COL3A1: variants seen among roughly 807,000 people sequenced by gnomAD.
COL3A1 encodes collagen type III alpha 1 chain.
A neutral mutation model predicts 200.9 loss-of-function variants in COL3A1; 46 were observed. The ratio of observed to expected loss-of-function variants is 0.23; its 90% CI spans 0.18 to 0.29. The LOEUF (loss-of-function observed/expected upper bound fraction) is 0.29, where lower values mean the gene tolerates loss of function less well. Among genes scored for constraint, COL3A1 ranks in the 10% least tolerant of loss-of-function variants. The pLI, the probability that COL3A1 is intolerant of heterozygous loss-of-function variation, is 1.00. For missense variants in COL3A1, 1,367 were observed against 1,917.6 expected (o/e 0.71, Z 5.36); for synonymous variants, 650 against 628.0 (o/e 1.03, Z -0.52).
At chr2:188,991,444 C>A in intron 11 of COL3A1, 43 bp from the exon 12 acceptor site, 1 of 1,309,582 alleles carries the variant, frequency 7.6e-7, no homozygotes, top group Non-Finnish European at 1.1e-6. Context: ...ATAATATTTT[C>A]TTCCTCTTTT....
intron 6 of COL3A1, 40 bp from the exon 7 acceptor site, chr2:188,988,550 T>C: frequency 1.5e-6 from 2 of 1,372,494 alleles, no homozygotes; most frequent in South Asian, 2.4e-5. Flanking sequence ...TATATGAAGA[T>C]TTTGTTACTT....
At chr2:188,996,303 TATACACAC>T in intron 23 of COL3A1, 87 bp from the exon 24 acceptor site, 5 of 775,704 alleles carry the variant, frequency 6.4e-6, no homozygotes, top group East Asian at 2.9e-5. Flanking sequence ...TATCTATATA[TATACACAC>T]ACACACACAC....
At position 188,994,277 on chromosome 2, in the gene COL3A1, G is replaced by A. The variant is rs200446048; in HGVS notation, c.1238G>A (p.Arg413Gln). 35 of 1,613,938 alleles carry A rather than the reference G, an allele frequency of 2.2e-5. No homozygotes were observed. Among genetic ancestry groups the A allele is most frequent in the East Asian group, 1.3e-4 (6 of 44,890 alleles). Residue 413 changes from arginine to glutamine, a missense_variant, in exon 18 of 51, where the codon CGG becomes CAG. Arg to Gln is a conservative substitution (Grantham distance 43). This residue lies in a region of COL3A1 where 462 missense variants were observed against 681.4 expected (regional missense o/e 0.68). Coordinates refer to ENST00000304636, the MANE Select transcript of COL3A1 (RefSeq NM_000090.4). The surrounding 1 kb of genome is among the most constrained non-coding windows in gnomAD (Gnocchi z 4.5). ...IPGAPGLMGA[R>Q]GPPGPAGANG... ...GGAGCTCCTGGACTGATGGGAGCCC[G>A]GGGTCCTCCAGGACCAGCCGGTGCT...
At chr2:189,008,183 A>G (rs1688639211) in intron 47 of COL3A1, 41 bp downstream of exon 47, 1 of 1,529,702 alleles carries the variant, frequency 6.5e-7, no homozygotes, top group East Asian at 2.3e-5. Context: ...AATTTGCTAC[A>G]ATCTTCCAAT....
chr2:188,979,787 G>A (rs188342409), intron 1 of COL3A1, among the ~76,000 whole-genome samples: 1 of 151,802 alleles, frequency 6.6e-6, no homozygotes, highest in Admixed American at 6.6e-5. Flanking sequence ...TTTTGAAATA[G>A]CAGAAAGAAA....
rs780808106 is a variant in COL3A1, at chr2:189,011,635, C to A, written c.4262C>A (p.Thr1421Asn). The change falls in exon 51 of 51, where the codon ACT (threonine) becomes AAT (asparagine). Residue 1421 changes from threonine to asparagine, a missense_variant. Physicochemically the swap from Thr to Asn is moderately conservative, Grantham distance 65 (BLOSUM62 0). Coordinates refer to ENST00000304636, the MANE Select transcript of COL3A1 (RefSeq NM_000090.4). ...TVLEDGCTKH[T>N]GEWSKTVFEY... is the part of the protein sequence containing the mutation. ...TTTTGTCCTTTTTTACAGAAACACA[C>A]TGGGGAATGGAGCAAAACAGTCTTT... The A allele has an allele frequency of 2.5e-6, 4 of 1,613,830 alleles. No homozygotes were observed. The African/African-American group carries it at 5.3e-5, about 22-fold the overall frequency.
intron 1 of COL3A1, among the ~76,000 whole-genome samples, chr2:188,979,625 G>T (rs1687908257): frequency 6.6e-6 from 1 of 151,648 alleles, no homozygotes; most frequent in Non-Finnish European, 1.5e-5. Context: ...ACTCCAGATG[G>T]CATCTTCCTG....
At chr2:188,976,837 A>T (rs2153500407) in intron 1 of COL3A1, among the ~76,000 whole-genome samples, 1 of 152,352 alleles carries the variant, frequency 6.6e-6, no homozygotes, top group East Asian at 1.9e-4. Flanking sequence ...AAACATGCCA[A>T]GTTTTAAGTA....
intron 1 of COL3A1, among the ~76,000 whole-genome samples, chr2:188,975,962 T>A (rs979519650): frequency 6.6e-6 from 1 of 151,862 alleles, no homozygotes; most frequent in East Asian, 1.9e-4. Context: ...CTACTCCCCA[T>A]GTGGCCTCCT....
At chr2:189,003,133 C>T in intron 36 of COL3A1, 71 bp downstream of exon 36, 1 of 1,229,172 alleles carries the variant, frequency 8.1e-7, no homozygotes, top group South Asian at 1.3e-5. Context: ...GTCTATCTCT[C>T]CCTCTCTCTC....
intron 5 of COL3A1, 63 bp downstream of exon 5, chr2:188,987,202 A>C: frequency 7.5e-7 from 1 of 1,332,410 alleles, no homozygotes; most frequent in Non-Finnish European, 1.1e-6. Context: ...TAAAATCTTG[A>C]ATGGTTGCTC....
At position 188,994,304 on chromosome 2, in the gene COL3A1, A is replaced by G. The variant is rs1369983620; in HGVS notation, c.1265A>G (p.Asn422Ser). ...GGTCCTCCAGGACCAGCCGGTGCTA[A>G]TGGTGCTCCTGGACTGCGAGGTGGT... ...ARGPPGPAGA[N>S]GAPGLRGGAG... Residue 422 changes from asparagine to serine, a missense_variant, in exon 18 of 51, where the codon AAT becomes AGT. This residue lies in a region of COL3A1 where 462 missense variants were observed against 681.4 expected (regional missense o/e 0.68). Transcript: ENST00000304636. This position sits in a 1 kb window ranked among gnomAD's most constrained non-coding sequence, Gnocchi z 4.5. 1 of 1,613,788 alleles carries G rather than the reference A, an allele frequency of 6.2e-7. No individual in the cohort carries two copies. The highest frequency in any genetic ancestry group is 2.2e-5 in the East Asian group (1 of 44,892).
At chr2:189,003,642 C>T in intron 37 of COL3A1, 92 bp from the exon 38 acceptor site, 1 of 1,434,466 alleles carries the variant, frequency 7.0e-7, no homozygotes, top group East Asian at 2.3e-5. Context: ...CTTTCAGGTA[C>T]AATGCAGATC....
At chr2:188,982,472 A>G (rs1687972927) in intron 1 of COL3A1, among the ~76,000 whole-genome samples, 1 of 151,802 alleles carries the variant, frequency 6.6e-6, no homozygotes, top group Admixed American at 6.6e-5. Context: ...GTTAATTTCT[A>G]GGCAGATCAA....
chr2:188,995,206 T>G, intron 21 of COL3A1, 107 bp downstream of exon 21: 6 of 1,088,612 alleles, frequency 5.5e-6, no homozygotes, highest in Admixed American at 2.3e-5. Flanking sequence ...GAATATATAT[T>G]AGAGTTAAGA....
intron 1 of COL3A1, among the ~76,000 whole-genome samples, chr2:188,978,657 G>C (rs562704134): frequency 6.7e-6 from 1 of 149,652 alleles, no homozygotes; most frequent in South Asian, 2.1e-4. Flanking sequence ...CAGTTGTAAA[G>C]TTTCCAGGTC....
chr2:189,001,324 T>C, intron 32 of COL3A1, 73 bp from the exon 33 acceptor site: 1 of 1,419,566 alleles, frequency 7.0e-7, no homozygotes, highest in Non-Finnish European at 9.9e-7. Context: ...TATGTCTATA[T>C]ACTTTCTGTT....
chr2:189,010,237 A>G lies in COL3A1; in HGVS notation c.3883A>G (p.Asn1295Asp). 1 of 1,614,164 alleles carries G rather than the reference A, an allele frequency of 6.2e-7. No homozygotes were observed. Among genetic ancestry groups the G allele is most frequent in the Non-Finnish European group, 8.5e-7 (1 of 1,180,006 alleles). ...ATTGGATGCTATCAAGGTATTCTGT[A>G]ATATGGAAACTGGGGAAACATGCAT... ...CKLDAIKVFC[N>D]METGETCISA... Residue 1295 changes from asparagine (N) to aspartate (D), a missense_variant, in exon 49 of 51, where the codon AAT (asparagine) becomes GAT (aspartate). By Grantham distance (23) the Asn-to-Asp change is conservative. This residue lies in a region of COL3A1 where 846 missense variants were observed against 1,147.9 expected (regional missense o/e 0.74). Coordinates refer to ENST00000304636, the MANE Select transcript of COL3A1 (RefSeq NM_000090.4).
In COL3A1 at chr2:188,994,710, T is replaced by C. The variant is rs777330283; in HGVS notation, c.1348-14T>C. 7.1e-7 allele frequency: 1 copy of C among 1,406,374 alleles called. No homozygotes were observed. The highest frequency in any genetic ancestry group is 9.8e-7 in the Non-Finnish European group (1 of 1,022,806). The allele number at this position is 1,406,374 out of a possible 1,614,324, so 87.1% of individuals were successfully genotyped here. A position where few individuals can be genotyped will look rare whatever the true frequency, so the allele number is the denominator to read the frequency against. On this transcript the variant is annotated splice_polypyrimidine_tract_variant and intron_variant, in intron 19 of 50. Transcript: ENST00000304636. This position sits in a 1 kb window ranked among gnomAD's most constrained non-coding sequence, Gnocchi z 4.5. ...TCATAATTTCTTTATTTTACCATCTTTTTTTTTTTTCAGGGTGAGGCTGGT... is the reference window on the plus strand; with the variant it reads ...TCATAATTTCTTTATTTTACCATCTCTTTTTTTTTTCAGGGTGAGGCTGGT...
Sources: gnomAD v4.1 joint callset for allele counts (sites outside exome capture counted in the v4.1 genomes callset) on GRCh38, gnomAD v4.1.1 for gene constraint, gnomAD v4.1.1 regional missense constraint, Gnocchi (gnomAD v3.1) non-coding constraint, MANE v1.5 for transcripts, NCBI Gene and HGNC (gene_info 2026-07-23, HGNC 2026-07-21) for gene names.